The following GRAMD2A variants were observed in gnomAD, a reference collection of about 807,000 sequenced individuals.
GRAMD2A encodes the protein GRAM domain containing 2A.
GRAMD2A carries 37 observed loss-of-function variants against 51.1 expected under a neutral mutation model. That is an observed-to-expected ratio of 0.72 (90% CI 0.56 to 0.95). The LOEUF is 0.95. Among genes scored for constraint, GRAMD2A ranks in the 40% least tolerant of loss-of-function variants. The pLI is 0.00. For missense variants in GRAMD2A, 414 were observed against 426.9 expected (o/e 0.97, Z 0.27); for synonymous variants, 136 against 157.1 (o/e 0.87, Z 1.01).
chr15:72,167,482 G>T (rs1348432827), intron 5 of GRAMD2A, among the ~76,000 whole-genome samples: 1 of 152,276 alleles, frequency 6.6e-6, no homozygotes, highest in Admixed American at 6.5e-5. Context: ...CCCAGAGGCA[G>T]AATGATTTGG....
In GRAMD2A at chr15:72,197,711, C is replaced by A; in HGVS notation, c.41+20G>T. The stretch of plus-strand genomic sequence containing the variant: ...GCCTCCGGAACCCCCGAGACCGGCC[C>A]CCGGGCCGCAACCCCTTACCCGCCC... On this transcript the variant is annotated intron_variant, in intron 1 of 11. Coordinates refer to ENST00000309731, the MANE Select transcript of GRAMD2A (RefSeq NM_001012642.3). 1 of 1,316,174 alleles carries A rather than the reference C, an allele frequency of 7.6e-7. No individual in the cohort carries two copies. The highest frequency in any genetic ancestry group is 9.7e-7 in the Non-Finnish European group (1 of 1,027,824). The allele number at this position is 1,316,174 out of a possible 1,614,324, so 81.5% of individuals were successfully genotyped here.
intron 4 of GRAMD2A, 64 bp from the exon 5 acceptor site, chr15:72,167,903 G>T: frequency 8.6e-7 from 1 of 1,165,338 alleles, no homozygotes; most frequent in Non-Finnish European, 1.3e-6. Context: ...CCAGGACCTG[G>T]GTCCTCACGT....
chr15:72,163,697 G>C lies in GRAMD2A; in HGVS notation c.661C>G (p.Leu221Val). 6.2e-7 allele frequency: 1 copy of C among 1,609,490 alleles called. No individual in the cohort carries two copies. The highest frequency in any genetic ancestry group is 8.5e-7 in the Non-Finnish European group (1 of 1,178,780). The change falls in exon 9 of 12, where the codon CTC becomes GTC. Residue 221 changes from leucine to valine, a missense_variant. Transcript: ENST00000309731. The stretch of plus-strand genomic sequence containing the variant: ...GGGATACAAGGGATGTTGTCTGGGA[G>C]AGACAGGGACCTGGAGGAAGGGCAT... ...KVCPSSRSLSLPDNIPCIPPS... is the reference protein window; with the variant it reads ...KVCPSSRSLSVPDNIPCIPPS...
chr15:72,169,910 G>A lies in GRAMD2A; in HGVS notation c.71C>T (p.Ser24Phe). 1 of 1,614,186 alleles carries A rather than the reference G, an allele frequency of 6.2e-7. No homozygotes were observed. Among genetic ancestry groups the A allele is most frequent in the South Asian group, 1.1e-5 (1 of 91,086 alleles). The change falls in exon 2 of 12, where the codon TCT (serine) becomes TTT (phenylalanine). Residue 24 changes from serine to phenylalanine, a missense_variant. Coordinates refer to ENST00000309731, the MANE Select transcript of GRAMD2A (RefSeq NM_001012642.3). ...TTTGCAGGACACAGGACTGTTCAGAGAAGCTGTCTTTCTGTGCATTTGTTG... is the reference window on the plus strand; with the variant it reads ...TTTGCAGGACACAGGACTGTTCAGAAAAGCTGTCTTTCTGTGCATTTGTTG... ...GNQQMHRKTA[S>F]LNSPVSCKEK...
intron 1 of GRAMD2A, among the ~76,000 whole-genome samples, chr15:72,184,762 T>C (rs934583409): frequency 6.6e-6 from 1 of 152,212 alleles, no homozygotes; most frequent in African/African-American, 2.4e-5. Context: ...GCCACTGTTA[T>C]TCAACCTTGT....
At chr15:72,189,772 T>A (rs759241818) in intron 1 of GRAMD2A, among the ~76,000 whole-genome samples, 2 of 152,182 alleles carry the variant, frequency 1.3e-5, no homozygotes, top group Non-Finnish European at 2.9e-5. Context: ...TTTTATAGAA[T>A]GATAACGGGA....
chr15:72,184,335 GC>G (rs2081719670), intron 1 of GRAMD2A, among the ~76,000 whole-genome samples: 2 of 152,280 alleles, frequency 1.3e-5, no homozygotes, highest in Admixed American at 1.3e-4. Context: ...TGGCTCCAAA[GC>G]GGCGCCCGCG....
At chr15:72,185,065 C>T (rs2081725308) in intron 1 of GRAMD2A, among the ~76,000 whole-genome samples, 1 of 152,082 alleles carries the variant, frequency 6.6e-6, no homozygotes, top group African/African-American at 2.4e-5. Context: ...TTGGCTACCT[C>T]CCAAACGACT....
intron 1 of GRAMD2A, chr15:72,175,999 C>T (rs1301167277): frequency 6.6e-6 from 1 of 152,344 alleles, no homozygotes; most frequent in Admixed American, 6.5e-5. Context: ...GGGCCCTTTC[C>T]TCCAGGAGCT....
chr15:72,167,713 C>T (rs762484750), intron 5 of GRAMD2A, 23 bp downstream of exon 5: 2 of 1,554,526 alleles, frequency 1.3e-6, no homozygotes, highest in South Asian at 1.1e-5. Context: ...AGGGTCATGG[C>T]AGCCCTCACC....
At position 72,170,159 on chromosome 15, in the gene GRAMD2A, A is replaced by G; in HGVS notation, c.42-220T>C. The G allele has an allele frequency of 1.5e-6, 1 of 661,750 alleles. No homozygotes were observed. Among genetic ancestry groups the G allele is most frequent in the South Asian group, 1.5e-5 (1 of 66,436 alleles). 41.0% of individuals were successfully genotyped at this position (661,750 alleles called of 1,614,324 possible). On this transcript the variant is annotated intron_variant, in intron 1 of 11. Transcript: ENST00000309731. The surrounding 1 kb of genome is among the most constrained non-coding windows in gnomAD (Gnocchi z 4.5). ...GGTCTCACACAGCGTCTTTCCCGAA[A>G]GCCAGAAGTTCTGCTTATGCCTAGG...
At position 72,170,644 on chromosome 15, in the gene GRAMD2A, G is replaced by A. The variant is rs928997778; in HGVS notation, c.42-705C>T. Among the ~76,000 whole-genome samples the A allele has an allele frequency of 1.3e-5, 2 of 152,154 alleles. No homozygotes were observed. The highest frequency in any genetic ancestry group is 2.9e-5 in the Non-Finnish European group (2 of 68,040). On this transcript the variant is annotated intron_variant, in intron 1 of 11. Transcript: ENST00000309731. This position sits in a 1 kb window ranked among gnomAD's most constrained non-coding sequence, Gnocchi z 4.5. ...GCTCTCCAATGGCCTTTGAGTTCCTGCCTCCACTAATCGCTCCAAAGAATC... is the reference window on the plus strand; with the variant it reads ...GCTCTCCAATGGCCTTTGAGTTCCTACCTCCACTAATCGCTCCAAAGAATC...
At chr15:72,174,541 G>T (rs1419509727) in intron 1 of GRAMD2A, among the ~76,000 whole-genome samples, 1 of 152,162 alleles carries the variant, frequency 6.6e-6, no homozygotes, top group Non-Finnish European at 1.5e-5. Flanking sequence ...TGTCAGGAGA[G>T]GTATGGAGCA....
rs774701088 is a variant in GRAMD2A, at chr15:72,170,306, G to A, written c.42-367C>T. On this transcript the variant is annotated intron_variant, in intron 1 of 11. Transcript: ENST00000309731. The surrounding 1 kb of genome is among the most constrained non-coding windows in gnomAD (Gnocchi z 4.5). ...ACTGAGAGGGAGGACCCTGAGACTC[G>A]CTTATGCCGAGAACAAAAGTGTCCA... The A allele has an allele frequency of 1.0e-5, 5 of 479,272 alleles. No individual in the cohort carries two copies. Among genetic ancestry groups the A allele is most frequent in the Admixed American group, 9.2e-5 (4 of 43,270 alleles). The allele number at this position is 479,272 out of a possible 1,614,324, so 29.7% of individuals were successfully genotyped here.
chr15:72,167,243 A>T (rs2081557140), intron 5 of GRAMD2A, 151 bp from the exon 6 acceptor site: 2 of 645,856 alleles, frequency 3.1e-6, no homozygotes, highest in Non-Finnish European at 5.6e-6. Flanking sequence ...CTACCTTTTC[A>T]TCCAGGCTCC....
At chr15:72,181,312 A>G (rs188336385) in intron 1 of GRAMD2A, among the ~76,000 whole-genome samples, 4 of 152,378 alleles carry the variant, frequency 2.6e-5, no homozygotes, top group Admixed American at 2.6e-4. Context: ...GTATACTATC[A>G]ACTTTGTGTG....
At chr15:72,188,180 T>C (rs1043491098) in intron 1 of GRAMD2A, among the ~76,000 whole-genome samples, 1 of 151,864 alleles carries the variant, frequency 6.6e-6, no homozygotes, top group African/African-American at 2.4e-5. Flanking sequence ...CTACTAAAAA[T>C]ACAAAAATTA....
At chr15:72,187,121 C>T (rs1201387637) in intron 1 of GRAMD2A, among the ~76,000 whole-genome samples, 2 of 151,534 alleles carry the variant, frequency 1.3e-5, no homozygotes, top group Non-Finnish European at 2.9e-5. Context: ...GATAGCGCCA[C>T]TGCATTCCAG....
At chr15:72,167,233 C>G (rs1474788297) in intron 5 of GRAMD2A, 141 bp from the exon 6 acceptor site, 9 of 663,054 alleles carry the variant, frequency 1.4e-5, no homozygotes. Flanking sequence ...TCTGAACCTT[C>G]TACCTTTTCA....
Sources: gnomAD v4.1 joint callset for allele counts (sites outside exome capture counted in the v4.1 genomes callset) on GRCh38, gnomAD v4.1.1 for gene constraint, Gnocchi (gnomAD v3.1) non-coding constraint, MANE v1.5 for transcripts, NCBI Gene and HGNC (gene_info 2026-07-23, HGNC 2026-07-21) for gene names.